Variants in CCSER1 observed in about 807,000 individuals in gnomAD.
CCSER1 encodes serine-rich coiled-coil domain-containing protein 1.
A neutral mutation model predicts 82.0 loss-of-function variants in CCSER1; 41 were observed. That is an observed-to-expected ratio of 0.50 (90% CI 0.39 to 0.65). CCSER1 has a LOEUF of 0.65. Among genes scored for constraint, CCSER1 ranks in the 30% least tolerant of loss-of-function variants. The probability of loss-of-function intolerance (pLI) is 0.00; values close to 1 mark genes in which losing one functional copy is unlikely to be tolerated. For synonymous variants in CCSER1, 414 were observed against 383.9 expected (o/e 1.08, Z -0.92); for missense variants, 1,119 against 1,064.2 (o/e 1.05, Z -0.72).
intron 10 of CCSER1, among the ~76,000 whole-genome samples, chr4:91,404,251 C>G (rs192774616): frequency 9.0e-4 from 136 of 151,656 alleles, no homozygotes; most frequent in Middle Eastern, 6.8e-3. Context: ...TATCCCTTTT[C>G]TTTTTTTATT....
intron 10 of CCSER1, among the ~76,000 whole-genome samples, chr4:91,183,314 A>G (rs1734223147): frequency 6.6e-6 from 1 of 152,246 alleles, no homozygotes; most frequent in Admixed American, 6.5e-5. Context: ...GCTGAAGGAT[A>G]GGACGTCTGG....
At chr4:90,600,346 T>C (rs1439743668) in intron 5 of CCSER1, among the ~76,000 whole-genome samples, 1 of 152,172 alleles carries the variant, frequency 6.6e-6, no homozygotes, top group African/African-American at 2.4e-5. Flanking sequence ...CAAAACTTGG[T>C]ACAGTCAGAC....
chr4:91,092,625 A>G (rs989702571), intron 10 of CCSER1, among the ~76,000 whole-genome samples: 2 of 152,250 alleles, frequency 1.3e-5, no homozygotes, highest in African/African-American at 4.8e-5. Flanking sequence ...CTCCTGGCCT[A>G]AATGGGTAGT....
At chr4:90,235,275 T>G (rs1007419112) in intron 1 of CCSER1, 2 of 152,288 alleles carry the variant, frequency 1.3e-5, no homozygotes, top group Admixed American at 1.3e-4. Context: ...ACTTGCTCAT[T>G]ACCTGTAGAT....
chr4:91,437,710 G>A (rs149559659), intron 10 of CCSER1, among the ~76,000 whole-genome samples: 2,054 of 152,320 alleles, frequency 0.013, 50 homozygotes, highest in African/African-American at 0.046. Flanking sequence ...AGGGGTCAGG[G>A]AGTTCCCTTC....
chr4:90,249,498 C>T (rs905271864), intron 1 of CCSER1, among the ~76,000 whole-genome samples: 2 of 152,096 alleles, frequency 1.3e-5, no homozygotes, highest in Admixed American at 1.3e-4. Flanking sequence ...CCACAATATT[C>T]TCCACTCTCT....
At chr4:91,481,388 G>A (rs1390660217) in intron 10 of CCSER1, among the ~76,000 whole-genome samples, 2 of 151,884 alleles carry the variant, frequency 1.3e-5, no homozygotes, top group Non-Finnish European at 2.9e-5. Context: ...CTGTAGTTGC[G>A]CATACTTAGT....
chr4:91,561,107 C>T (rs1320259161), intron 10 of CCSER1, among the ~76,000 whole-genome samples: 1 of 151,472 alleles, frequency 6.6e-6, no homozygotes, highest in Non-Finnish European at 1.5e-5. Flanking sequence ...TATTCTCACT[C>T]CAACCTGGAA....
chr4:91,458,595 G>A (rs1008165275), intron 10 of CCSER1, among the ~76,000 whole-genome samples: 64 of 152,204 alleles, frequency 4.2e-4, no homozygotes, highest in African/African-American at 1.5e-3. Context: ...TACTGAATCT[G>A]TAGATCACTT....
chr4:90,638,054 T>C (rs558693358), intron 6 of CCSER1, among the ~76,000 whole-genome samples: 1 of 152,248 alleles, frequency 6.6e-6, no homozygotes, highest in South Asian at 2.1e-4. Context: ...CTACTCTAAC[T>C]TGAAATAGGT....
intron 6 of CCSER1, among the ~76,000 whole-genome samples, chr4:90,716,220 T>C (rs560248545): frequency 6.6e-6 from 1 of 152,046 alleles, no homozygotes; most frequent in African/African-American, 2.4e-5. Context: ...AGAAAGACAT[T>C]ATTTCTGGAA....
chr4:91,475,700 T>C (rs1487224009), intron 10 of CCSER1, among the ~76,000 whole-genome samples: 1 of 151,860 alleles, frequency 6.6e-6, no homozygotes, highest in East Asian at 1.9e-4. Flanking sequence ...ATACTATAAA[T>C]TCTTGTTATC....
chr4:90,819,548 A>G lies in CCSER1; in HGVS notation c.2094+3703A>G, dbSNP rs558121054. On this transcript the variant is annotated intron_variant, in intron 8 of 10. Transcript: ENST00000509176. ...TTCTTTTTTATTGCTGGGTGGGTAG[A>G]TTTCACAAAGCATAAAGACACTGAG... 6.6e-5 allele frequency among the ~76,000 whole-genome samples: 10 copies of G among 152,294 alleles called. No homozygotes were observed. The East Asian group carries it at 1.9e-3, about 29-fold the overall frequency.
chr4:90,830,704 CTTG>C (rs1168012809), intron 8 of CCSER1, among the ~76,000 whole-genome samples: 46 of 152,238 alleles, frequency 3.0e-4, no homozygotes, highest in Non-Finnish European at 1.3e-4. Flanking sequence ...ACAAGATGAA[CTTG>C]AATCAGTAAA....
At chr4:91,079,586 T>C (rs1316242518) in intron 9 of CCSER1, among the ~76,000 whole-genome samples, 1 of 152,200 alleles carries the variant, frequency 6.6e-6, no homozygotes, top group African/African-American at 2.4e-5. Flanking sequence ...ATCTTAAATG[T>C]AAATGGGCTA....
intron 10 of CCSER1, among the ~76,000 whole-genome samples, chr4:91,314,020 A>G (rs1032432408): frequency 6.6e-6 from 1 of 151,982 alleles, no homozygotes; most frequent in Non-Finnish European, 1.5e-5. Context: ...CAATTCCCTG[A>G]TGTCCTAGAG....
intron 3 of CCSER1, among the ~76,000 whole-genome samples, chr4:90,324,497 G>A (rs1392974769): frequency 3.4e-4 from 51 of 149,942 alleles, no homozygotes; most frequent in African/African-American, 9.9e-4. Flanking sequence ...CATGTCCTTC[G>A]CCCACTTTTT....
intron 5 of CCSER1, among the ~76,000 whole-genome samples, chr4:90,593,321 C>T (rs944425552): frequency 3.3e-5 from 5 of 151,946 alleles, no homozygotes; most frequent in African/African-American, 1.2e-4. Flanking sequence ...AGGTTCTTGA[C>T]GTCTTGAACA....
chr4:90,866,075 C>T (rs1223416654), intron 8 of CCSER1, among the ~76,000 whole-genome samples: 1 of 151,828 alleles, frequency 6.6e-6, no homozygotes, highest in East Asian at 2.0e-4. Context: ...AGAAACCACC[C>T]TCATGATTCG....
Sources: allele counts gnomAD v4.1 joint callset (sites outside exome capture counted in the v4.1 genomes callset), GRCh38; gene constraint gnomAD v4.1.1; transcripts MANE v1.5; gene names NCBI Gene and HGNC (gene_info 2026-07-23, HGNC 2026-07-21).